CPLANE1: variants seen among roughly 807,000 people sequenced by gnomAD.
CPLANE1 encodes ciliogenesis and planar polarity effector complex subunit 1.
Under a neutral mutation model 362.5 loss-of-function variants are expected in CPLANE1, and 263 were observed. That is an observed-to-expected ratio of 0.73 (90% CI 0.66 to 0.80). CPLANE1 has a LOEUF of 0.80. Among genes scored for constraint, CPLANE1 ranks in the 30% least tolerant of loss-of-function variants. The pLI, the probability that CPLANE1 is intolerant of heterozygous loss-of-function variation, is 0.00. For synonymous variants in CPLANE1, 1,212 were observed against 1,302.6 expected, an observed-to-expected ratio of 0.93 and a Z score of 1.50; for missense variants, 3,461 against 3,793.4, an observed-to-expected ratio of 0.91 and a Z score of 2.30.
At position 37,226,895 on chromosome 5, in the gene CPLANE1, G is replaced by A. The variant is rs1364117468; in HGVS notation, c.1700C>T (p.Thr567Ile). Residue 567 changes from threonine (T) to isoleucine (I), a missense_variant, in exon 12 of 53, where the codon ACA becomes ATA. This residue lies in a region of CPLANE1 where 3,380 missense variants were observed against 3,666.1 expected (regional missense o/e 0.92). Transcript: ENST00000651892. ...DDSEETDRTI[T>I]ELHSIQKSLL... The stretch of plus-strand genomic sequence containing the variant: ...ACTTTTCTGGATAGAATGCAGTTCT[G>A]TAATGGTTCTATCTGTCTCCTCACT... 1 of 1,551,686 alleles carries A rather than the reference G, an allele frequency of 6.4e-7. No individual in the cohort carries two copies. The highest frequency in any genetic ancestry group is 1.2e-5 in the South Asian group (1 of 84,022).
At position 37,198,881 on chromosome 5, in the gene CPLANE1, A is replaced by G. The variant is rs753852053; in HGVS notation, c.3508-15T>C. ...TCACCATCTTCCTGAGGAAAATAAA[A>G]CAATCCATTTTAGTGGCTAGTAATG... On this transcript the variant is annotated splice_polypyrimidine_tract_variant and intron_variant, in intron 19 of 52. Coordinates refer to ENST00000651892, the MANE Select transcript of CPLANE1 (RefSeq NM_001384732.1). The G allele has an allele frequency of 3.7e-6, 6 of 1,612,250 alleles. No homozygotes were observed. The highest frequency in any genetic ancestry group is 5.1e-6 in the Non-Finnish European group (6 of 1,178,830).
rs2149835265 is a variant in CPLANE1, at chr5:37,106,572, A to T, written c.*1030T>A. The T allele has an allele frequency of 2.3e-6, 1 of 433,736 alleles. No homozygotes were observed. Among genetic ancestry groups the T allele is most frequent in the South Asian group, 9.8e-5 (1 of 10,172 alleles). 26.9% of individuals were successfully genotyped at this position (433,736 alleles called of 1,614,324 possible). ...TTAAATGACAATTAACAATAATGTT[A>T]GCCTATAAAGCTATTTTCTAAAACA... On this transcript the variant is annotated 3_prime_UTR_variant, in exon 53 of 53. Transcript: ENST00000651892.
rs374629869 is a variant in CPLANE1 at position 37,167,176 on chromosome 5, A to G, written c.7271T>C (p.Ile2424Thr). 24 of 1,613,228 alleles carry G rather than the reference A, an allele frequency of 1.5e-5. No individual in the cohort carries two copies. In the African/African-American group the frequency reaches 2.8e-4, roughly 19 times the overall value. ...KTQLIPLENL[I>T]AFKQSQQKLT... ...TTTCTGTTGGCTTTGTTTAAACGCA[A>G]TGAGGTTTTCAAGTGGGATAAGTTG... The change falls in exon 35 of 53, where the codon ATT becomes ACT. Residue 2424 changes from isoleucine (I) to threonine (T), a missense_variant. By Grantham distance (89) the Ile-to-Thr change is moderately conservative. Coordinates refer to ENST00000651892, the MANE Select transcript of CPLANE1 (RefSeq NM_001384732.1).
chr5:37,085,240 A>C, the CPLANE1 span: 1 of 847,796 alleles, frequency 1.2e-6, no homozygotes, highest in South Asian at 1.3e-5. Context: ...GATGAAGTAA[A>C]GATTTGCATG....
At chr5:37,199,546 C>T (rs1580669435) in intron 19 of CPLANE1, among the ~76,000 whole-genome samples, 1 of 152,268 alleles carries the variant, frequency 6.6e-6, no homozygotes, top group East Asian at 1.9e-4. Flanking sequence ...AGAGGAAGGG[C>T]CTTGTCATTT....
At chr5:37,235,199 G>T (rs890637657) in intron 8 of CPLANE1, among the ~76,000 whole-genome samples, 5 of 151,964 alleles carry the variant, frequency 3.3e-5, no homozygotes, top group African/African-American at 1.2e-4. Flanking sequence ...ATGTAGCCAA[G>T]GAGTGAATCA....
intron 9 of CPLANE1, among the ~76,000 whole-genome samples, chr5:37,230,547 A>G (rs905209313): frequency 6.6e-6 from 1 of 152,152 alleles, no homozygotes; most frequent in Admixed American, 6.5e-5. Flanking sequence ...TTGAGTTATT[A>G]ATTTTCTAAG....
rs970429713 is a variant in CPLANE1 at position 37,224,512 on chromosome 5, A to C, written c.2500+20T>G. On this transcript the variant is annotated intron_variant, in intron 13 of 52. Coordinates refer to ENST00000651892, the MANE Select transcript of CPLANE1 (RefSeq NM_001384732.1). ...ATGTCATTTATTCATGGAGTTAGAAAATATTCATAAGATACTGACCATTGA... is the reference window on the plus strand; with the variant it reads ...ATGTCATTTATTCATGGAGTTAGAACATATTCATAAGATACTGACCATTGA... 5.4e-5 allele frequency: 80 copies of C among 1,493,292 alleles called. No homozygotes were observed. Among genetic ancestry groups the C allele is most frequent in the Non-Finnish European group, 7.0e-5 (77 of 1,096,778 alleles). The allele number at this position is 1,493,292 out of a possible 1,614,324, so 92.5% of individuals were successfully genotyped here.
At chr5:37,228,285 C>T (rs1157389533) in intron 9 of CPLANE1, among the ~76,000 whole-genome samples, 10 of 151,954 alleles carry the variant, frequency 6.6e-5, no homozygotes. Flanking sequence ...TTTGAGTTTC[C>T]ACTTAACTTA....
At chr5:37,236,940 G>A (rs982149201) in intron 8 of CPLANE1, among the ~76,000 whole-genome samples, 1 of 152,134 alleles carries the variant, frequency 6.6e-6, no homozygotes, top group Admixed American at 6.5e-5. Context: ...AGAGGAAAGG[G>A]AACATGGGAA....
chr5:37,187,695 C>T (rs779723316), intron 22 of CPLANE1, 38 bp downstream of exon 22: 17 of 1,577,764 alleles, frequency 1.1e-5, no homozygotes, highest in Middle Eastern at 1.7e-4. Context: ...TCCCACTTAA[C>T]GTGTGTTCAT....
At chr5:37,098,253 A>G in the CPLANE1 span, among the ~76,000 whole-genome samples, 1 of 151,872 alleles carries the variant, frequency 6.6e-6, no homozygotes, top group African/African-American at 2.4e-5. Context: ...GTACCTGGGC[A>G]TGGTGGCAGG....
chr5:37,201,913 G>T, intron 18 of CPLANE1, 105 bp from the exon 19 acceptor site: 1 of 712,868 alleles, frequency 1.4e-6, no homozygotes, highest in Non-Finnish European at 2.3e-6. Flanking sequence ...TGTCAAGAAT[G>T]AACACATTGG....
chr5:37,139,574 AC>A, intron 44 of CPLANE1: 3 of 1,020,108 alleles, frequency 2.9e-6, no homozygotes, highest in Non-Finnish European at 3.7e-6. Flanking sequence ...ATTTTTTGAG[AC>A]CATGTCTCAC....
intron 21 of CPLANE1, among the ~76,000 whole-genome samples, chr5:37,191,121 A>C (rs571410278): frequency 7.9e-5 from 12 of 152,278 alleles, no homozygotes; most frequent in Admixed American, 4.6e-4. Flanking sequence ...GAGGTGGAGG[A>C]CAGAGAGATT....
chr5:37,142,619 G>T, intron 43 of CPLANE1, 139 bp from the exon 44 acceptor site: 2 of 484,656 alleles, frequency 4.1e-6, no homozygotes, highest in Non-Finnish European at 7.0e-6. Context: ...GCTTTCTACT[G>T]TATAATGAAT....
At chr5:37,204,001 G>A (rs1003569044) in intron 18 of CPLANE1, among the ~76,000 whole-genome samples, 35 of 152,212 alleles carry the variant, frequency 2.3e-4, no homozygotes, top group African/African-American at 7.9e-4. Flanking sequence ...GCCTTTAAGT[G>A]GATATTTTTT....
intron 1 of CPLANE1, among the ~76,000 whole-genome samples, chr5:37,248,454 T>C (rs1008106474): frequency 6.6e-6 from 1 of 152,096 alleles, no homozygotes; most frequent in African/African-American, 2.4e-5. Flanking sequence ...TGTTTTTTTG[T>C]TTTTTTAATA....
chr5:37,152,979 C>A (rs962621923), intron 42 of CPLANE1, among the ~76,000 whole-genome samples: 2 of 152,124 alleles, frequency 1.3e-5, no homozygotes, highest in Non-Finnish European at 2.9e-5. Flanking sequence ...CTGACAAAAA[C>A]TCCAAATAGA....
Sources: allele counts gnomAD v4.1 joint callset (sites outside exome capture counted in the v4.1 genomes callset), GRCh38; gene constraint gnomAD v4.1.1; regional missense constraint gnomAD v4.1.1; transcripts MANE v1.5; gene names NCBI Gene and HGNC (gene_info 2026-07-23, HGNC 2026-07-21).